The following MEGF11 variants were observed in gnomAD, a reference collection of about 807,000 sequenced individuals.
The protein encoded by MEGF11 is multiple epidermal growth factor-like domains protein 11.
Under a neutral mutation model 146.6 loss-of-function variants are expected in MEGF11, and 126 were observed. That is an observed-to-expected ratio of 0.86 (90% CI 0.74 to 1.00). The LOEUF (loss-of-function observed/expected upper bound fraction) is 1.00. Ranked by LOEUF, MEGF11 falls within the 50% of genes least tolerant of loss-of-function variation. The pLI is 0.00. For synonymous variants in MEGF11, 532 were observed against 583.4 expected (o/e 0.91, Z 1.27); for missense variants, 1,509 against 1,521.2 (o/e 0.99, Z 0.13).
chr15:66,077,839 A>C (rs1255632650), intron 5 of MEGF11, among the ~76,000 whole-genome samples: 4 of 152,178 alleles, frequency 2.6e-5, no homozygotes, highest in East Asian at 1.9e-4. Context: ...GCAAAAGAGC[A>C]ATGGGTCAGT....
intron 5 of MEGF11, among the ~76,000 whole-genome samples, chr15:66,035,718 G>C (rs2140264265): frequency 6.6e-6 from 1 of 152,350 alleles, no homozygotes; most frequent in Middle Eastern, 3.4e-3. Context: ...CAAATTGTCA[G>C]TACAACCGAA....
At chr15:66,038,544 C>A (rs1377093119) in intron 5 of MEGF11, among the ~76,000 whole-genome samples, 1 of 152,076 alleles carries the variant, frequency 6.6e-6, no homozygotes, top group Non-Finnish European at 1.5e-5. Context: ...TTTAATTTAA[C>A]GAGGCTGTTC....
intron 5 of MEGF11, among the ~76,000 whole-genome samples, chr15:66,087,501 G>A (rs1251068994): frequency 2.0e-5 from 3 of 152,126 alleles, no homozygotes; most frequent in Non-Finnish European, 4.4e-5. Flanking sequence ...GAATAAAACT[G>A]GAAATCAACT....
At chr15:65,946,668 C>T (rs2080206420) in intron 10 of MEGF11, among the ~76,000 whole-genome samples, 1 of 152,238 alleles carries the variant, frequency 6.6e-6, no homozygotes, top group Non-Finnish European at 1.5e-5. Flanking sequence ...GCTGGGATTA[C>T]AGGTGTGAGC....
intron 5 of MEGF11, among the ~76,000 whole-genome samples, chr15:66,056,579 A>G (rs1324604938): frequency 6.6e-6 from 1 of 152,108 alleles, no homozygotes; most frequent in Non-Finnish European, 1.5e-5. Flanking sequence ...TCGTCTTTTG[A>G]GAAGAAAGGA....
chr15:65,966,217 A>G (rs1399664781), intron 8 of MEGF11, among the ~76,000 whole-genome samples: 4 of 152,088 alleles, frequency 2.6e-5, no homozygotes, highest in Non-Finnish European at 5.9e-5. Flanking sequence ...GATGGTCTCA[A>G]TCTCTTGACC....
chr15:65,896,395 C>A lies in MEGF11; in HGVS notation c.*1539G>T, dbSNP rs567415030. 1.7e-4 allele frequency: 26 copies of A among 152,680 alleles called. No homozygotes were observed. Among genetic ancestry groups the A allele is most frequent in the African/African-American group, 5.1e-4 (21 of 41,536 alleles). The allele number at this position is 152,680 out of a possible 1,614,324, so 9.5% of individuals were successfully genotyped here. A position where few individuals can be genotyped will look rare whatever the true frequency, so the allele number is the denominator to read the frequency against. The stretch of plus-strand genomic sequence containing the variant: ...TGATTATTGCCCAAAGTATTGTGTT[C>A]CATGGCAGGCTTCCAGTTTCTATCA... On this transcript the variant is annotated 3_prime_UTR_variant, in exon 26 of 26. Coordinates refer to ENST00000395614, the MANE Select transcript of MEGF11 (RefSeq NM_001385028.1).
At chr15:65,937,501 T>C in intron 10 of MEGF11, among the ~76,000 whole-genome samples, 1 of 152,236 alleles carries the variant, frequency 6.6e-6, no homozygotes, top group Admixed American at 6.5e-5. Context: ...TTATCAATCA[T>C]CTGAGGCTAT....
At chr15:66,174,785 C>A (rs1006371417) in intron 1 of MEGF11, among the ~76,000 whole-genome samples, 3 of 152,052 alleles carry the variant, frequency 2.0e-5, no homozygotes, top group African/African-American at 7.2e-5. Context: ...TTTGTAGATA[C>A]CTTTGGGTGG....
intron 12 of MEGF11, among the ~76,000 whole-genome samples, chr15:65,928,925 A>G (rs1229181041): frequency 1.3e-5 from 2 of 152,182 alleles, no homozygotes; most frequent in African/African-American, 2.4e-5. Context: ...AGGAATGACT[A>G]TGATTTATTC....
intron 1 of MEGF11, among the ~76,000 whole-genome samples, chr15:66,160,169 T>C (rs796495110): frequency 5.9e-5 from 9 of 151,472 alleles, no homozygotes; most frequent in African/African-American, 2.2e-4. Context: ...CATGTTCCTA[T>C]TCTGGGAGGG....
chr15:66,102,145 C>T (rs948860553), intron 4 of MEGF11, among the ~76,000 whole-genome samples: 3 of 85,578 alleles, frequency 3.5e-5, no homozygotes, highest in South Asian at 8.4e-4. Context: ...ATCGATGCTT[C>T]GGGCCCCAGA....
At chr15:66,058,076 G>A (rs2084751632) in intron 5 of MEGF11, among the ~76,000 whole-genome samples, 1 of 152,184 alleles carries the variant, frequency 6.6e-6, no homozygotes, top group Non-Finnish European at 1.5e-5. Flanking sequence ...ACAATAGGGT[G>A]CACACTGAGG....
At chr15:65,898,684 A>C (rs1418070753) in intron 25 of MEGF11, 44 bp downstream of exon 25, 1 of 1,607,320 alleles carries the variant, frequency 6.2e-7, no homozygotes, top group Non-Finnish European at 8.5e-7. Flanking sequence ...CAAATGCTGC[A>C]CTATTGCCCT....
At chr15:65,907,295 C>CT (rs890164071) in intron 23 of MEGF11, among the ~76,000 whole-genome samples, 1 of 148,026 alleles carries the variant, frequency 6.8e-6, no homozygotes, top group Non-Finnish European at 1.5e-5. Flanking sequence ...TGCTATTTTT[C>CT]TTTTTTTCTT....
At chr15:66,100,852 ATGGGTGGGTGGG>A (rs67230634) in intron 4 of MEGF11, among the ~76,000 whole-genome samples, 1 of 77,122 alleles carries the variant, frequency 1.3e-5, no homozygotes, top group East Asian at 7.8e-4. Flanking sequence ...GAGCCACTGG[ATGGGTGGGTGGG>A]TGGGTGGGTG....
intron 13 of MEGF11, among the ~76,000 whole-genome samples, chr15:65,927,887 G>A (rs2079428821): frequency 1.3e-5 from 2 of 152,220 alleles, no homozygotes; most frequent in South Asian, 4.1e-4. Flanking sequence ...GAGGCATTCT[G>A]AACAGGGACT....
chr15:66,150,752 G>A (rs867125284), intron 1 of MEGF11, among the ~76,000 whole-genome samples: 7 of 151,326 alleles, frequency 4.6e-5, no homozygotes, highest in Non-Finnish European at 1.0e-4. Context: ...TTCAAATGGG[G>A]AAATTGAGGT....
chr15:66,112,689 C>A (rs1293295899), intron 4 of MEGF11, among the ~76,000 whole-genome samples: 1 of 147,214 alleles, frequency 6.8e-6, no homozygotes, highest in African/African-American at 2.6e-5. Context: ...AAACTCCACA[C>A]CCAGACACAT....
Sources: allele counts gnomAD v4.1 joint callset (sites outside exome capture counted in the v4.1 genomes callset), GRCh38; gene constraint gnomAD v4.1.1; transcripts MANE v1.5; gene names NCBI Gene and HGNC (gene_info 2026-07-23, HGNC 2026-07-21).